COL26A1: variants seen among roughly 807,000 people sequenced by gnomAD.
The protein encoded by COL26A1 is collagen type XXVI alpha 1 chain.
COL26A1 carries 41 observed loss-of-function variants against 59.3 expected under a neutral mutation model. That is an observed-to-expected ratio of 0.69 (90% CI 0.54 to 0.90). COL26A1 has a LOEUF of 0.90. COL26A1 is among the 40% of genes least tolerant of loss of function. The probability of loss-of-function intolerance (pLI) is 0.00; values close to 1 mark genes in which losing one functional copy is unlikely to be tolerated. For synonymous variants in COL26A1, 266 were observed against 256.0 expected, an observed-to-expected ratio of 1.04 and a Z score of -0.37; for missense variants, 612 against 602.3, an observed-to-expected ratio of 1.02 and a Z score of -0.17.
At chr7:101,499,837 ATCAC>A (rs1794662758) in intron 3 of COL26A1, among the ~76,000 whole-genome samples, 1 of 151,264 alleles carries the variant, frequency 6.6e-6, no homozygotes, top group Non-Finnish European at 1.5e-5. Flanking sequence ...TGTTGTTCAC[ATCAC>A]TGCACTCCAA....
chr7:101,538,056 C>T (rs1468657291), intron 4 of COL26A1, among the ~76,000 whole-genome samples: 1 of 152,168 alleles, frequency 6.6e-6, no homozygotes, highest in Non-Finnish European at 1.5e-5. Flanking sequence ...CTTCACCCCA[C>T]CTCCTGCCCC....
chr7:101,515,358 C>T lies in COL26A1; in HGVS notation c.386-17724C>T, dbSNP rs60162321. Among the ~76,000 whole-genome samples the T allele has an allele frequency of 5.7e-3, 860 of 151,566 alleles. 13 individuals are homozygous for T. The highest frequency in any genetic ancestry group is 0.02 in the African/African-American group (811 of 41,272). On this transcript the variant is annotated intron_variant, in intron 3 of 12. Transcript: ENST00000313669. ...CTGGAGTGCAGTGGCGCGATCGGCT[C>T]GCTGCAACCTACAACTTCTGGTTCA...
intron 3 of COL26A1, among the ~76,000 whole-genome samples, chr7:101,502,386 T>C (rs1031857312): frequency 3.0e-4 from 46 of 152,128 alleles, no homozygotes; most frequent in Non-Finnish European, 1.8e-4. Context: ...AAACCAGCTA[T>C]GCTCAAGAAA....
intron 2 of COL26A1, among the ~76,000 whole-genome samples, chr7:101,434,397 G>A (rs111234859): frequency 0.1 from 15,648 of 151,356 alleles, 1,216 homozygotes; most frequent in African/African-American, 0.22. Flanking sequence ...GGGACTACAG[G>A]CACACGCCAC....
At chr7:101,544,144 C>T (rs1795678964) in intron 6 of COL26A1, 48 bp downstream of exon 6, 1 of 1,434,762 alleles carries the variant, frequency 7.0e-7, no homozygotes, top group African/African-American at 1.4e-5. Flanking sequence ...GCGGAAGGGG[C>T]TGGGCTTTCT....
chr7:101,421,347 G>A (rs938785930), intron 2 of COL26A1, among the ~76,000 whole-genome samples: 3 of 152,104 alleles, frequency 2.0e-5, no homozygotes, highest in African/African-American at 4.8e-5. Context: ...CCACATTATA[G>A]AGGGCAACCT....
chr7:101,441,456 C>T (rs747147841), intron 2 of COL26A1, among the ~76,000 whole-genome samples: 2 of 152,060 alleles, frequency 1.3e-5, no homozygotes, highest in South Asian at 2.1e-4. Context: ...GGATTACAGG[C>T]GCCCACCACC....
chr7:101,384,709 G>A (rs751550759), intron 1 of COL26A1, among the ~76,000 whole-genome samples: 1 of 152,082 alleles, frequency 6.6e-6, no homozygotes, highest in African/African-American at 2.4e-5. Flanking sequence ...GAACTAATAG[G>A]ATATATATGT....
At chr7:101,448,101 C>T (rs1471006059) in intron 3 of COL26A1, among the ~76,000 whole-genome samples, 1 of 152,192 alleles carries the variant, frequency 6.6e-6, no homozygotes, top group Admixed American at 6.5e-5. Flanking sequence ...CTTTTGGCTC[C>T]GATGCACCCA....
intron 1 of COL26A1, among the ~76,000 whole-genome samples, chr7:101,392,458 G>A (rs373290044): frequency 1.1e-4 from 15 of 136,174 alleles, no homozygotes; most frequent in Admixed American, 3.3e-4. Flanking sequence ...CTGGACTGTA[G>A]TGGTGCCATC....
intron 1 of COL26A1, among the ~76,000 whole-genome samples, chr7:101,375,084 TAAAAA>T (rs888557943): frequency 1.3e-5 from 2 of 149,686 alleles, no homozygotes; most frequent in East Asian, 2.0e-4. Flanking sequence ...TTTAAATAAA[TAAAAA>T]AAAAGAGGAA....
intron 2 of COL26A1, among the ~76,000 whole-genome samples, chr7:101,434,071 TCC>T (rs767849447): frequency 0.53 from 46,702 of 87,876 alleles, 12,833 homozygotes; most frequent in Middle Eastern, 0.65. Context: ...CCTCCCTCCC[TCC>T]CTCCCTCCCT....
At chr7:101,539,339 T>C (rs1211001752) in intron 4 of COL26A1, among the ~76,000 whole-genome samples, 2 of 151,132 alleles carry the variant, frequency 1.3e-5, no homozygotes, top group African/African-American at 4.9e-5. Flanking sequence ...TGTGTGCTTT[T>C]TTTTTCTCTC....
intron 3 of COL26A1, among the ~76,000 whole-genome samples, chr7:101,477,504 A>T (rs1794075355): frequency 6.6e-6 from 1 of 152,214 alleles, no homozygotes; most frequent in East Asian, 1.9e-4. Flanking sequence ...GAGGGTGTAC[A>T]TCTGGCCATC....
chr7:101,529,144 C>T (rs1161280043), intron 3 of COL26A1, among the ~76,000 whole-genome samples: 3 of 152,130 alleles, frequency 2.0e-5, no homozygotes, highest in African/African-American at 7.2e-5. Flanking sequence ...TCAGCCCAGG[C>T]AACAGAGCAA....
At chr7:101,424,782 A>G (rs951441064) in intron 2 of COL26A1, among the ~76,000 whole-genome samples, 1 of 152,072 alleles carries the variant, frequency 6.6e-6, no homozygotes, top group African/African-American at 2.4e-5. Flanking sequence ...CTGGGGTTCC[A>G]TATGCATTCC....
chr7:101,521,412 G>A (rs960620661), intron 3 of COL26A1, among the ~76,000 whole-genome samples: 2 of 152,200 alleles, frequency 1.3e-5, no homozygotes, highest in Admixed American at 6.5e-5. Flanking sequence ...AATTCTGTAA[G>A]CCAGTTGTGT....
At chr7:101,390,109 C>G (rs1464986924) in intron 1 of COL26A1, among the ~76,000 whole-genome samples, 1 of 117,538 alleles carries the variant, frequency 8.5e-6, no homozygotes, top group Non-Finnish European at 1.6e-5. Context: ...TGTCATGAAG[C>G]TTTTAAGAGT....
intron 3 of COL26A1, among the ~76,000 whole-genome samples, chr7:101,481,184 C>G (rs1306622305): frequency 6.6e-6 from 1 of 152,036 alleles, no homozygotes; most frequent in Non-Finnish European, 1.5e-5. Context: ...AGTTTTCTAG[C>G]AAATCTTTCA....
Sources: allele counts gnomAD v4.1 joint callset (sites outside exome capture counted in the v4.1 genomes callset), GRCh38; gene constraint gnomAD v4.1.1; transcripts MANE v1.5; gene names NCBI Gene and HGNC (gene_info 2026-07-23, HGNC 2026-07-21).